The following DNAH12 variants were observed in gnomAD, a reference collection of about 807,000 sequenced individuals.
DNAH12 encodes the protein axonemal beta dynein heavy chain 12.
DNAH12 carries 285 observed loss-of-function variants against 371.5 expected under a neutral mutation model. The ratio of observed to expected loss-of-function variants is 0.77; its 90% CI spans 0.70 to 0.85. DNAH12 has a LOEUF of 0.85. DNAH12 is among the 40% of genes least tolerant of loss of function. DNAH12 has a pLI of 0.00. For synonymous variants in DNAH12, 1,200 were observed against 1,213.0 expected (o/e 0.99, Z 0.22); for missense variants, 3,611 against 3,689.4 (o/e 0.98, Z 0.55).
intron 63 of DNAH12, 79 bp from the exon 64 acceptor site, chr3:57,323,339 A>C: frequency 6.7e-7 from 1 of 1,483,376 alleles, no homozygotes; most frequent in African/African-American, 1.4e-5. Context: ...GTGTTTTATC[A>C]TGAAAAATTC....
intron 65 of DNAH12, among the ~76,000 whole-genome samples, chr3:57,315,809 G>A (rs2061672870): frequency 6.6e-6 from 1 of 152,160 alleles, no homozygotes; most frequent in Non-Finnish European, 1.5e-5. Context: ...GGTTGCCCCT[G>A]GGGTTGATAA....
At chr3:57,523,548 AT>A in intron 4 of DNAH12, 34 bp downstream of exon 4, 2 of 1,552,284 alleles carry the variant, frequency 1.3e-6, no homozygotes, top group East Asian at 2.3e-5. Context: ...TTCTTTGAAC[AT>A]TTTCAAACAA....
At chr3:57,542,209 A>C (rs2069322586) in intron 2 of DNAH12, among the ~76,000 whole-genome samples, 1 of 151,954 alleles carries the variant, frequency 6.6e-6, no homozygotes. Flanking sequence ...TTTTGTAGCA[A>C]AAAAATTTCA....
intron 11 of DNAH12, among the ~76,000 whole-genome samples, chr3:57,494,679 A>C (rs543646708): frequency 6.6e-6 from 1 of 152,336 alleles, no homozygotes; most frequent in South Asian, 2.1e-4. Flanking sequence ...AAAGGAAGTA[A>C]GACAATCACT....
chr3:57,432,530 C>T (rs1293665857), intron 32 of DNAH12, among the ~76,000 whole-genome samples: 2 of 151,918 alleles, frequency 1.3e-5, no homozygotes, highest in Non-Finnish European at 2.9e-5. Context: ...TTTAGTAGGG[C>T]AGTCATTTCA....
chr3:57,538,644 G>A (rs1009512661), intron 2 of DNAH12, among the ~76,000 whole-genome samples: 1 of 152,164 alleles, frequency 6.6e-6, no homozygotes, highest in Non-Finnish European at 1.5e-5. Flanking sequence ...ACTACCTGCT[G>A]GTTGACTTTT....
chr3:57,406,217 GGCAC>G (rs1444745271), intron 40 of DNAH12, among the ~76,000 whole-genome samples: 24 of 151,932 alleles, frequency 1.6e-4, no homozygotes, highest in Non-Finnish European at 5.9e-5. Flanking sequence ...CAGGTGTCAT[GGCAC>G]GTGCCTGTAA....
chr3:57,346,600 C>A (rs2062548483), intron 60 of DNAH12, among the ~76,000 whole-genome samples: 1 of 152,030 alleles, frequency 6.6e-6, no homozygotes, highest in Non-Finnish European at 1.5e-5. Context: ...AGATATTAAT[C>A]CAACTGTATC....
chr3:57,463,852 C>G (rs1300454177), intron 17 of DNAH12, among the ~76,000 whole-genome samples: 1 of 151,984 alleles, frequency 6.6e-6, no homozygotes. Context: ...ACTGCAACCT[C>G]CGCCTTCTGG....
intron 62 of DNAH12, among the ~76,000 whole-genome samples, chr3:57,333,022 C>T (rs192448484): frequency 2.0e-5 from 3 of 152,296 alleles, no homozygotes; most frequent in East Asian, 1.9e-4. Context: ...AGTTGATAAA[C>T]GTTCTGTAGA....
chr3:57,448,396 G>C (rs1334190552), intron 25 of DNAH12, among the ~76,000 whole-genome samples: 2 of 152,148 alleles, frequency 1.3e-5, no homozygotes, highest in South Asian at 4.2e-4. Context: ...CAGGAGAGAA[G>C]CTGCAGACCT....
intron 41 of DNAH12, 55 bp from the exon 42 acceptor site, chr3:57,405,202 A>T: frequency 7.0e-7 from 1 of 1,436,350 alleles, no homozygotes; most frequent in Non-Finnish European, 9.2e-7. Context: ...AAATAAATTT[A>T]AGAAAACAAA....
intron 60 of DNAH12, among the ~76,000 whole-genome samples, chr3:57,338,292 G>A (rs553877618): frequency 8.4e-4 from 128 of 152,238 alleles, no homozygotes; most frequent in Non-Finnish European, 1.3e-3. Context: ...GATTGCAGAC[G>A]GAGTCTCGGT....
At chr3:57,432,254 C>T (rs2064979714) in intron 32 of DNAH12, among the ~76,000 whole-genome samples, 1 of 149,194 alleles carries the variant, frequency 6.7e-6, no homozygotes, top group Non-Finnish European at 1.5e-5. Context: ...ACTGCAACCT[C>T]TGCCTCCTGG....
At chr3:57,364,580 A>G (rs2063005950) in intron 57 of DNAH12, among the ~76,000 whole-genome samples, 1 of 152,164 alleles carries the variant, frequency 6.6e-6, no homozygotes, top group Non-Finnish European at 1.5e-5. Flanking sequence ...CACGACAAAA[A>G]CATCAAAAGC....
rs1001394819 is a variant in DNAH12 at position 57,421,603 on chromosome 3, T to C, written c.5477A>G (p.Asp1826Gly). The change falls in exon 36 of 74, where the codon GAT becomes GGT. Residue 1826 changes from aspartate to glycine, a missense_variant. Physicochemically the swap from Asp to Gly is moderately conservative, Grantham distance 94 (BLOSUM62 -1). This residue lies in a region of DNAH12 where 2,266 missense variants were observed against 2,236.9 expected (regional missense o/e 1.01). Transcript: ENST00000495027. ...TFIRLIILGK[D>G]DENPVPDSVG... is the part of the protein sequence containing the mutation. ...AGAATCTGGCACTGGGTTTTCATCA[T>C]CTTTTCCCAGTATGATTAATCGTAT... The C allele has an allele frequency of 1.2e-5, 19 of 1,551,692 alleles. No homozygotes were observed. The highest frequency in any genetic ancestry group is 1.6e-5 in the Non-Finnish European group (18 of 1,146,982).
At chr3:57,315,202 C>T (rs192480968) in intron 65 of DNAH12, among the ~76,000 whole-genome samples, 5 of 151,786 alleles carry the variant, frequency 3.3e-5, no homozygotes, top group African/African-American at 1.2e-4. Context: ...TCTTTAAGGT[C>T]CCCCCCAAGT....
rs918175621 is a variant in DNAH12, at chr3:57,446,092, A to G, written c.4118T>C (p.Phe1373Ser). The G allele has an allele frequency of 9.0e-6, 14 of 1,551,576 alleles. No individual in the cohort carries two copies. The highest frequency in any genetic ancestry group is 2.7e-5 in the African/African-American group (2 of 73,044). The change falls in exon 27 of 74, where the codon TTT becomes TCT. Residue 1373 changes from phenylalanine (F) to serine (S), a missense_variant. By Grantham distance (155) the Phe-to-Ser change is radical. Coordinates refer to ENST00000495027, the MANE Select transcript of DNAH12 (RefSeq NM_001366028.2). ...GCCAGGATTCATGGTAATAGCTACAAAACAATTCGGATTGAGCTTAAGTTC... is the reference window on the plus strand; with the variant it reads ...GCCAGGATTCATGGTAATAGCTACAGAACAATTCGGATTGAGCTTAAGTTC... ...GTELKLNPNC[F>S]VAITMNPGYA...
At chr3:57,532,643 C>A (rs1412535878) in intron 2 of DNAH12, among the ~76,000 whole-genome samples, 1 of 152,220 alleles carries the variant, frequency 6.6e-6, no homozygotes, top group Non-Finnish European at 1.5e-5. Context: ...GATTACCAGA[C>A]AGAAACTCTT....
Sources: allele counts gnomAD v4.1 joint callset (sites outside exome capture counted in the v4.1 genomes callset), GRCh38; gene constraint gnomAD v4.1.1; regional missense constraint gnomAD v4.1.1; transcripts MANE v1.5; gene names NCBI Gene and HGNC (gene_info 2026-07-23, HGNC 2026-07-21).